Variants in ARIH2 observed in about 807,000 individuals in gnomAD.
ARIH2 encodes the protein ariadne RBR E3 ubiquitin protein ligase 2.
ARIH2 carries 12 observed loss-of-function variants against 79.8 expected under a neutral mutation model. The observed-to-expected ratio is 0.15, with a 90% CI of 0.10 to 0.24. The LOEUF (loss-of-function observed/expected upper bound fraction) is 0.24. Ranked by LOEUF, ARIH2 falls within the 10% of genes least tolerant of loss-of-function variation. The pLI is 1.00. For missense variants in ARIH2, 301 were observed against 618.3 expected, an observed-to-expected ratio of 0.49 and a Z score of 5.44; for synonymous variants, 224 against 213.9, an observed-to-expected ratio of 1.05 and a Z score of -0.41.
intron 3 of ARIH2, among the ~76,000 whole-genome samples, chr3:48,948,639 A>G (rs1377652719): frequency 6.6e-6 from 1 of 152,212 alleles, no homozygotes; most frequent in East Asian, 1.9e-4. Context: ...TTAAATGTAT[A>G]CAACTATGTA....
At chr3:48,969,101 T>C (rs1442904429) in intron 7 of ARIH2, among the ~76,000 whole-genome samples, 2 of 151,934 alleles carry the variant, frequency 1.3e-5, no homozygotes, top group Non-Finnish European at 2.9e-5. Flanking sequence ...TCTTGATCTC[T>C]TGACCTCATG....
intron 1 of ARIH2, 171 bp from the exon 2 acceptor site, chr3:48,922,577 A>G (rs577978536): frequency 4.7e-4 from 71 of 152,218 alleles, no homozygotes; most frequent in African/African-American, 1.5e-3. Context: ...TTGTCAATAT[A>G]ATTATGTCAT....
chr3:48,971,081 G>A (rs976728060), intron 8 of ARIH2, among the ~76,000 whole-genome samples: 5 of 152,130 alleles, frequency 3.3e-5, no homozygotes, highest in African/African-American at 1.2e-4. Flanking sequence ...GCTAATTTTT[G>A]TTAAACTAAG....
intron 3 of ARIH2, among the ~76,000 whole-genome samples, chr3:48,940,808 A>AAAAAAAAAATATATAT (rs759369585): frequency 1.0e-5 from 1 of 98,048 alleles, no homozygotes; most frequent in African/African-American, 4.1e-5. Context: ...AAAAAAAAAA[A>AAAAAAAAAATATATAT]ATATATATAT....
chr3:48,979,368 G>C (rs2092671510), intron 11 of ARIH2, 114 bp from the exon 12 acceptor site: 3 of 1,134,946 alleles, frequency 2.6e-6, no homozygotes, highest in Middle Eastern at 5.8e-4. Context: ...CCCTTGGGAA[G>C]TTGTGTTCAG....
Position 48,967,131 on chromosome 3 carries a change from A to G in ARIH2, c.394A>G (p.Thr132Ala). Residue 132 changes from threonine to alanine, a missense_variant, in exon 6 of 16, where the codon ACA becomes GCA. Transcript: ENST00000356401. ...VQPNPSKHVP[T>A]SHPPHHCAVC... Reference sequence around the variant, plus strand: ...TGGCTCTGTTTCTCTCCAGGTTCCCACATCCCATCCCCCTCACCACTGTGC... The same window carrying G: ...TGGCTCTGTTTCTCTCCAGGTTCCCGCATCCCATCCCCCTCACCACTGTGC... The G allele has an allele frequency of 6.2e-7, 1 of 1,613,646 alleles. No individual in the cohort carries two copies. Among genetic ancestry groups the G allele is most frequent in the Non-Finnish European group, 8.5e-7 (1 of 1,179,718 alleles).
intron 13 of ARIH2, among the ~76,000 whole-genome samples, chr3:48,981,016 C>CA (rs34533467): frequency 0.64 from 19,273 of 30,110 alleles, 7,028 homozygotes; most frequent in East Asian, 0.92. Flanking sequence ...GCAAGACTGT[C>CA]AAAAAAAAAA....
intron 3 of ARIH2, among the ~76,000 whole-genome samples, chr3:48,938,935 A>AAAAC (rs1392421046): frequency 6.6e-6 from 1 of 150,542 alleles, no homozygotes; most frequent in African/African-American, 2.4e-5. Flanking sequence ...AAAAAAAAAA[A>AAAAC]AAAACCAACT....
At chr3:48,940,647 TAGTC>T (rs772446558) in intron 3 of ARIH2, among the ~76,000 whole-genome samples, 22 of 151,122 alleles carry the variant, frequency 1.5e-4, no homozygotes, top group Non-Finnish European at 2.2e-4. Context: ...ATACAAAAAT[TAGTC>T]AGGCATGGTG....
chr3:48,978,483 ATT>A (rs58279033), intron 11 of ARIH2, among the ~76,000 whole-genome samples: 32 of 40,458 alleles, frequency 7.9e-4, no homozygotes, highest in Middle Eastern at 0.015. Context: ...ATATATATAT[ATT>A]TTTTTTTTTT....
intron 4 of ARIH2, among the ~76,000 whole-genome samples, chr3:48,964,292 C>T (rs1559817744): frequency 6.6e-6 from 1 of 151,120 alleles, no homozygotes; most frequent in Non-Finnish European, 1.5e-5. Flanking sequence ...CAGGTGTGAG[C>T]CACTGCGCCC....
At chr3:48,932,657 A>T (rs527281123) in intron 3 of ARIH2, among the ~76,000 whole-genome samples, 1 of 152,184 alleles carries the variant, frequency 6.6e-6, no homozygotes, top group Non-Finnish European at 1.5e-5. Context: ...CAGGATCATG[A>T]CTGTGGAGCT....
intron 3 of ARIH2, among the ~76,000 whole-genome samples, chr3:48,956,105 G>C (rs1217307542): frequency 2.0e-5 from 3 of 151,696 alleles, no homozygotes; most frequent in Non-Finnish European, 4.4e-5. Context: ...CCAATCTTCT[G>C]TGTACTATCA....
Position 48,983,409 on chromosome 3 carries a change from T to C in ARIH2, c.*139T>C. 1 of 746,122 alleles carries C rather than the reference T, an allele frequency of 1.3e-6. No homozygotes were observed. The highest frequency in any genetic ancestry group is 2.3e-6 in the Non-Finnish European group (1 of 434,878). The allele number at this position is 746,122 out of a possible 1,614,324, so 46.2% of individuals were successfully genotyped here. A position where few individuals can be genotyped will look rare whatever the true frequency, so the allele number is the denominator to read the frequency against. ...ACTCCTGAGAGACACTGGCAACACCTCTTAGTTGATTTCTGTTTTCTTCTC... is the reference window on the plus strand; with the variant it reads ...ACTCCTGAGAGACACTGGCAACACCCCTTAGTTGATTTCTGTTTTCTTCTC... On this transcript the variant is annotated 3_prime_UTR_variant, in exon 16 of 16. Coordinates refer to ENST00000356401, the MANE Select transcript of ARIH2 (RefSeq NM_006321.4).
At chr3:48,945,229 C>CT in intron 3 of ARIH2, 1 of 1,284,476 alleles carries the variant, frequency 7.8e-7, no homozygotes, top group Non-Finnish European at 1.0e-6. Flanking sequence ...TGCTGGATTT[C>CT]TTTTTTCTGG....
At chr3:48,951,924 C>A (rs2090008027) in intron 3 of ARIH2, among the ~76,000 whole-genome samples, 1 of 151,840 alleles carries the variant, frequency 6.6e-6, no homozygotes, top group East Asian at 1.9e-4. Flanking sequence ...TTAATTGTTA[C>A]TATTTTCTTC....
At position 48,969,355 on chromosome 3, in the gene ARIH2, G is replaced by A. The variant is rs553133506; in HGVS notation, c.660+700G>A. On this transcript the variant is annotated intron_variant, in intron 7 of 15. Transcript: ENST00000356401. The stretch of plus-strand genomic sequence containing the variant: ...CTGTGTGGTTGAGCAGAGAGAAGGG[G>A]TATTGCTTTTTGAGTAATTGGAAAA... Among the ~76,000 whole-genome samples the A allele has an allele frequency of 6.6e-5, 10 of 152,186 alleles. No homozygotes were observed. In the East Asian group the frequency reaches 1.7e-3, roughly 26 times the overall value.
chr3:48,944,504 T>C (rs1265773832), intron 3 of ARIH2, among the ~76,000 whole-genome samples: 2 of 152,056 alleles, frequency 1.3e-5, no homozygotes, highest in African/African-American at 4.8e-5. Context: ...ATATATAACA[T>C]TTGGGTACCT....
At chr3:48,929,602 G>A (rs1168525474) in intron 3 of ARIH2, among the ~76,000 whole-genome samples, 1 of 152,008 alleles carries the variant, frequency 6.6e-6, no homozygotes, top group Non-Finnish European at 1.5e-5. Context: ...TTTAGGTTAT[G>A]TACTGCAGTC....
Sources: gnomAD v4.1 joint callset for allele counts (sites outside exome capture counted in the v4.1 genomes callset) on GRCh38, gnomAD v4.1.1 for gene constraint, MANE v1.5 for transcripts, NCBI Gene and HGNC (gene_info 2026-07-23, HGNC 2026-07-21) for gene names.